The following DDX4 variants were observed in gnomAD, a reference collection of about 807,000 sequenced individuals.
DDX4 encodes the protein DEAD-box helicase 4.
In DDX4, 25 loss-of-function variants were observed where a neutral mutation model predicts 100.0. The ratio of observed to expected loss-of-function variants is 0.25; its 90% CI spans 0.18 to 0.35. The LOEUF is 0.35. Among genes scored for constraint, DDX4 ranks in the 10% least tolerant of loss-of-function variants. DDX4 has a pLI of 1.00. For missense variants in DDX4, 635 were observed against 882.4 expected (o/e 0.72, Z 3.55); for synonymous variants, 259 against 275.7 (o/e 0.94, Z 0.60).
intron 17 of DDX4, among the ~76,000 whole-genome samples, chr5:55,798,124 CT>C (rs541375158): frequency 1.1e-4 from 16 of 151,758 alleles, no homozygotes; most frequent in African/African-American, 3.6e-4. Context: ...TTAGTTCATG[CT>C]TTTTTTTAAG....
At chr5:55,804,275 C>G (rs1743541559) in intron 18 of DDX4, among the ~76,000 whole-genome samples, 1 of 151,658 alleles carries the variant, frequency 6.6e-6, no homozygotes, top group African/African-American at 2.4e-5. Context: ...TGTAGGTTGC[C>G]TGTTCACTCT....
At chr5:55,753,087 C>T (rs1184651140) in intron 3 of DDX4, among the ~76,000 whole-genome samples, 1 of 151,934 alleles carries the variant, frequency 6.6e-6, no homozygotes, top group Non-Finnish European at 1.5e-5. Context: ...GATATTAGCC[C>T]TTTATCAGAT....
At chr5:55,745,776 A>G (rs919061305) in intron 2 of DDX4, among the ~76,000 whole-genome samples, 1 of 152,188 alleles carries the variant, frequency 6.6e-6, no homozygotes, top group African/African-American at 2.4e-5. Flanking sequence ...TTTTACTTTA[A>G]GTCAGGTGTC....
rs1486127936 is a variant in DDX4, at chr5:55,814,881, A to G, written c.1716-20A>G. Reference sequence around the variant, plus strand: ...TGATTTTAAGAGTGGTTCTAATAACATGCTTTCTTTTCTTTCAAGTGATCG... The same window carrying G: ...TGATTTTAAGAGTGGTTCTAATAACGTGCTTTCTTTTCTTTCAAGTGATCG... On this transcript the variant is annotated intron_variant, in intron 19 of 21. Coordinates refer to ENST00000505374, the MANE Select transcript of DDX4 (RefSeq NM_024415.3). 1 of 1,596,946 alleles carries G rather than the reference A, an allele frequency of 6.3e-7. No individual in the cohort carries two copies. The highest frequency in any genetic ancestry group is 1.4e-5 in the African/African-American group (1 of 73,894).
chr5:55,761,057 T>C (rs1265834065), intron 4 of DDX4, among the ~76,000 whole-genome samples: 1 of 152,230 alleles, frequency 6.6e-6, no homozygotes, highest in Non-Finnish European at 1.5e-5. Flanking sequence ...AAAAGATGCA[T>C]GATGTTTTAT....
At chr5:55,796,714 A>G (rs576969837) in intron 17 of DDX4, among the ~76,000 whole-genome samples, 3 of 148,882 alleles carry the variant, frequency 2.0e-5, no homozygotes, top group Admixed American at 1.3e-4. Context: ...CTTCTTTCCT[A>G]CTGCTTAGAA....
intron 14 of DDX4, 113 bp downstream of exon 14, chr5:55,786,783 T>C: frequency 1.3e-6 from 1 of 780,594 alleles, no homozygotes; most frequent in East Asian, 2.5e-5. Flanking sequence ...CAGTTACCTG[T>C]CATAAGTATT....
intron 13 of DDX4, among the ~76,000 whole-genome samples, chr5:55,786,308 T>A (rs1003224714): frequency 1.3e-5 from 2 of 152,132 alleles, no homozygotes; most frequent in African/African-American, 4.8e-5. Flanking sequence ...AAAGCCACCA[T>A]TTGTGGAGAA....
intron 15 of DDX4, among the ~76,000 whole-genome samples, chr5:55,789,577 C>T (rs1291400093): frequency 6.6e-6 from 1 of 152,194 alleles, no homozygotes; most frequent in African/African-American, 2.4e-5. Flanking sequence ...GTCCTTCTGC[C>T]ACATTCTCTT....
At chr5:55,743,419 C>T (rs761553260) in intron 2 of DDX4, among the ~76,000 whole-genome samples, 80 of 151,906 alleles carry the variant, frequency 5.3e-4, no homozygotes, top group Admixed American at 5.9e-4. Flanking sequence ...CTGCTGTGAC[C>T]CCTTTTCTCT....
intron 3 of DDX4, among the ~76,000 whole-genome samples, chr5:55,749,054 C>A (rs1274423065): frequency 6.6e-6 from 1 of 152,080 alleles, no homozygotes; most frequent in Non-Finnish European, 1.5e-5. Context: ...TCATGGAAAC[C>A]CTTCTAAACA....
intron 9 of DDX4, 53 bp from the exon 10 acceptor site, chr5:55,781,881 C>T: frequency 6.3e-7 from 1 of 1,593,938 alleles, no homozygotes; most frequent in Non-Finnish European, 8.6e-7. Flanking sequence ...GGTTTGTGTG[C>T]TTGAGCAGCA....
chr5:55,772,350 T>A (rs1001869652), intron 7 of DDX4, among the ~76,000 whole-genome samples: 1 of 152,234 alleles, frequency 6.6e-6, no homozygotes, highest in Non-Finnish European at 1.5e-5. Flanking sequence ...TGCTTTGCAC[T>A]ACAGGGCTGC....
At chr5:55,755,053 A>G (rs1447816309) in intron 3 of DDX4, among the ~76,000 whole-genome samples, 1 of 152,062 alleles carries the variant, frequency 6.6e-6, no homozygotes, top group Non-Finnish European at 1.5e-5. Context: ...TAGGGATCCA[A>G]TTTTATTTCT....
intron 18 of DDX4, among the ~76,000 whole-genome samples, chr5:55,807,490 C>T (rs551865356): frequency 3.9e-5 from 6 of 152,250 alleles, no homozygotes; most frequent in Middle Eastern, 3.4e-3. Context: ...TTATTGCTTC[C>T]TTCAGGAGCT....
intron 18 of DDX4, among the ~76,000 whole-genome samples, chr5:55,812,389 G>T (rs903319323): frequency 6.6e-6 from 1 of 152,046 alleles, no homozygotes; most frequent in Admixed American, 6.5e-5. Context: ...GTGAAACCCC[G>T]TCTCTACTAA....
At chr5:55,783,641 G>GGAT (rs1464776989) in intron 10 of DDX4, among the ~76,000 whole-genome samples, 1 of 145,782 alleles carries the variant, frequency 6.9e-6, no homozygotes, top group Non-Finnish European at 1.5e-5. Flanking sequence ...GGAGATGGAT[G>GGAT]GATGGATGGA....
Position 55,755,669 on chromosome 5 carries a change from G to A in DDX4, c.128-4531G>A, listed in dbSNP as rs530453707. Among the ~76,000 whole-genome samples, 45 of 151,512 alleles carry A rather than the reference G, an allele frequency of 3.0e-4. 1 individual carries two copies. In the South Asian group the frequency reaches 8.7e-3, roughly 29 times the overall value. On this transcript the variant is annotated intron_variant, in intron 3 of 21. Transcript: ENST00000505374. ...ATGAAAATTACCTGTTTTTTTACAA[G>A]TTGTATAGAATTTGTTCATAAAACT...
rs760017391 is a variant in DDX4 at position 55,764,008 on chromosome 5, G to A, written c.284-6G>A. On this transcript the variant is annotated splice_polypyrimidine_tract_variant and splice_region_variant and intron_variant, in intron 5 of 21. Coordinates refer to ENST00000505374, the MANE Select transcript of DDX4 (RefSeq NM_024415.3). Reference sequence around the variant, plus strand: ...AGGAAATTGTTTCATTTTATATTTTGTATAGGTTTTTCAAACAGCAGGTTT... The same window carrying A: ...AGGAAATTGTTTCATTTTATATTTTATATAGGTTTTTCAAACAGCAGGTTT... 1.2e-6 allele frequency: 2 copies of A among 1,600,230 alleles called. No individual in the cohort carries two copies. Among genetic ancestry groups the A allele is most frequent in the East Asian group, 2.2e-5 (1 of 44,680 alleles).
Sources: gnomAD v4.1 joint callset for allele counts (sites outside exome capture counted in the v4.1 genomes callset) on GRCh38, gnomAD v4.1.1 for gene constraint, MANE v1.5 for transcripts, NCBI Gene and HGNC (gene_info 2026-07-23, HGNC 2026-07-21) for gene names.